Variants in KSR2 observed in about 807,000 individuals in gnomAD.
The protein encoded by KSR2 is kinase suppressor of ras 2.
In KSR2, 25 loss-of-function variants were observed where a neutral mutation model predicts 107.8. The observed-to-expected ratio is 0.23, with a 90% confidence interval of 0.17 to 0.32. The LOEUF is 0.32. Among genes scored for constraint, KSR2 ranks in the 10% least tolerant of loss-of-function variants. The pLI, the probability that KSR2 is intolerant of heterozygous loss-of-function variation, is 1.00. For missense variants in KSR2, 887 were observed against 1,268.9 expected, an observed-to-expected ratio of 0.70 and a Z score of 4.57; for synonymous variants, 480 against 507.0, an observed-to-expected ratio of 0.95 and a Z score of 0.71.
intron 1 of KSR2, among the ~76,000 whole-genome samples, chr12:117,901,818 G>C (rs1593354412): frequency 1.3e-5 from 2 of 152,040 alleles, no homozygotes; most frequent in African/African-American, 4.8e-5. Context: ...GGTTCAGCGT[G>C]GCGTACAAAC....
chr12:117,921,947 C>A (rs867796441), intron 1 of KSR2, among the ~76,000 whole-genome samples: 2 of 152,146 alleles, frequency 1.3e-5, no homozygotes, highest in Admixed American at 6.5e-5. Flanking sequence ...AAGAGTTTAG[C>A]AAATGTATGT....
At position 117,873,407 on chromosome 12, in the gene KSR2, G is replaced by A. The variant is rs558836641; in HGVS notation, c.181-12976C>T. Among the ~76,000 whole-genome samples the A allele has an allele frequency of 3.4e-5, 5 of 147,360 alleles. No individual in the cohort carries two copies. In the East Asian group the frequency reaches 6.0e-4, roughly 18 times the overall value. ...AAGATAATAATAATGGGAGCTCCAC[G>A]TTTATTCTAAGAGAAGCAAGGCCTC... On this transcript the variant is annotated intron_variant, in intron 1 of 19. Coordinates refer to ENST00000339824, the MANE Select transcript of KSR2 (RefSeq NM_173598.6).
At chr12:117,940,117 C>A (rs527897000) in intron 1 of KSR2, among the ~76,000 whole-genome samples, 68 of 152,078 alleles carry the variant, frequency 4.5e-4, no homozygotes, top group Admixed American at 4.6e-4. Flanking sequence ...CGGTCATATT[C>A]CCTTAAAAAC....
intron 4 of KSR2, among the ~76,000 whole-genome samples, chr12:117,753,245 A>C (rs1240755522): frequency 6.6e-6 from 1 of 151,974 alleles, no homozygotes; most frequent in Non-Finnish European, 1.5e-5. Flanking sequence ...TCCATCCCTA[A>C]CCTCCAGTGA....
At chr12:117,689,493 C>T (rs1885728368) in intron 4 of KSR2, among the ~76,000 whole-genome samples, 1 of 152,178 alleles carries the variant, frequency 6.6e-6, no homozygotes, top group African/African-American at 2.4e-5. Flanking sequence ...CTCGATTCTG[C>T]CTTTACAAAA....
chr12:117,575,125 T>C (rs922025467), intron 7 of KSR2, among the ~76,000 whole-genome samples: 2 of 152,190 alleles, frequency 1.3e-5, no homozygotes, highest in Admixed American at 6.5e-5. Context: ...TCATATGACC[T>C]AATTTACTAA....
chr12:117,928,476 G>A (rs769777629), intron 1 of KSR2, among the ~76,000 whole-genome samples: 3 of 152,176 alleles, frequency 2.0e-5, no homozygotes, highest in East Asian at 1.9e-4. Context: ...GAGCCACCAC[G>A]CCTGGCCTTC....
At chr12:117,954,152 AG>A (rs1896441760) in intron 1 of KSR2, among the ~76,000 whole-genome samples, 1 of 152,216 alleles carries the variant, frequency 6.6e-6, no homozygotes, top group Non-Finnish European at 1.5e-5. Context: ...AATTGATTTA[AG>A]AAAATCATTT....
chr12:117,664,473 G>A (rs1484905627), intron 5 of KSR2, among the ~76,000 whole-genome samples: 1 of 152,116 alleles, frequency 6.6e-6, no homozygotes, highest in African/African-American at 2.4e-5. Flanking sequence ...CCCAAAAGCA[G>A]GGAGTTCTCT....
chr12:117,499,032 T>G (rs1282972737), intron 14 of KSR2, among the ~76,000 whole-genome samples: 1 of 152,246 alleles, frequency 6.6e-6, no homozygotes, highest in Non-Finnish European at 1.5e-5. Flanking sequence ...CTCAAATTAG[T>G]AATGAACTTT....
At chr12:117,674,913 G>A (rs548486455) in intron 4 of KSR2, among the ~76,000 whole-genome samples, 3 of 152,266 alleles carry the variant, frequency 2.0e-5, no homozygotes, top group Admixed American at 1.3e-4. Context: ...GACTCTAGCT[G>A]TTCGGGTCAT....
At chr12:117,918,078 C>T (rs1453308219) in intron 1 of KSR2, among the ~76,000 whole-genome samples, 3 of 152,148 alleles carry the variant, frequency 2.0e-5, no homozygotes, top group Non-Finnish European at 2.9e-5. Flanking sequence ...GAGGTCATGG[C>T]AACTGCAATA....
intron 14 of KSR2, among the ~76,000 whole-genome samples, chr12:117,486,292 A>C (rs534070492): frequency 1.8e-4 from 27 of 152,216 alleles, no homozygotes; most frequent in Admixed American, 3.3e-4. Flanking sequence ...CCAGTAGTTT[A>C]AGATGAATGA....
At chr12:117,877,837 C>T (rs1307783194) in intron 1 of KSR2, among the ~76,000 whole-genome samples, 1 of 152,174 alleles carries the variant, frequency 6.6e-6, no homozygotes, top group Non-Finnish European at 1.5e-5. Context: ...CAGCCCCAAC[C>T]CAAGCCTACG....
chr12:117,847,519 G>A (rs75441519), intron 3 of KSR2, among the ~76,000 whole-genome samples: 13,457 of 152,238 alleles, frequency 0.088, 695 homozygotes, highest in Non-Finnish European at 0.11. Context: ...TCTCCCCTCC[G>A]TGGCTCCCTG....
In KSR2 at chr12:117,794,319, GCACTCACACCAACATGCA is replaced by G. The variant is rs1461055954; in HGVS notation, c.473-32813_473-32796del. ...CACCAACATGCACACACACCAACAT[GCACTCACACCAACATGCA>G]CACTCACACCAACAGGCACACACAC... On this transcript the variant is annotated intron_variant, in intron 3 of 19. Transcript: ENST00000339824. Among the ~76,000 whole-genome samples the G allele has an allele frequency of 4.7e-5, 3 of 63,648 alleles. 1 individual carries two copies. The East Asian group carries it at 2.4e-3, about 51-fold the overall frequency. 41.8% of individuals were successfully genotyped at this position (63,648 alleles called of 152,430 possible). A position where few individuals can be genotyped will look rare whatever the true frequency, so the allele number is the denominator to read the frequency against.
chr12:117,866,721 C>T (rs977648237), intron 1 of KSR2, among the ~76,000 whole-genome samples: 1 of 151,898 alleles, frequency 6.6e-6, no homozygotes, highest in Non-Finnish European at 1.5e-5. Context: ...CTCAGCTACT[C>T]GGGAGGCTGA....
chr12:117,536,932 G>A (rs1462009312), intron 10 of KSR2, among the ~76,000 whole-genome samples: 2 of 152,206 alleles, frequency 1.3e-5, no homozygotes, highest in Admixed American at 1.3e-4. Context: ...CTTTAACAGG[G>A]CTGGCTATGG....
Position 117,480,022 on chromosome 12 carries a change from ATGTGTATGTGTG to A in KSR2, c.2451-3439_2451-3428del, listed in dbSNP as rs1333016956. The stretch of plus-strand genomic sequence containing the variant: ...CAATTACTGGACATAATCATTACAC[ATGTGTATGTGTG>A]TGTGTGTGTGTGTGTGTGTGTGTGT... On this transcript the variant is annotated intron_variant, in intron 16 of 19. Transcript: ENST00000339824. Among the ~76,000 whole-genome samples, 29 of 142,190 alleles carry A rather than the reference ATGTGTATGTGTG, an allele frequency of 2.0e-4. No homozygotes were observed. In the East Asian group the frequency reaches 3.3e-3, roughly 16 times the overall value. 93.3% of individuals were successfully genotyped at this position (142,190 alleles called of 152,430 possible). A position where few individuals can be genotyped will look rare whatever the true frequency, so the allele number is the denominator to read the frequency against.
Sources: allele counts gnomAD v4.1 joint callset (sites outside exome capture counted in the v4.1 genomes callset), GRCh38; gene constraint gnomAD v4.1.1; transcripts MANE v1.5; gene names NCBI Gene and HGNC (gene_info 2026-07-23, HGNC 2026-07-21).